The following MAST4 variants were observed in gnomAD, a reference collection of about 807,000 sequenced individuals.
MAST4 encodes microtubule-associated serine/threonine-protein kinase 4.
In MAST4, 89 loss-of-function variants were observed where a neutral mutation model predicts 162.7. The observed-to-expected ratio is 0.55, with a 90% confidence interval of 0.46 to 0.65. MAST4 has a LOEUF of 0.65. Ranked by LOEUF, MAST4 falls within the 30% of genes least tolerant of loss-of-function variation. The pLI is 0.00. For missense variants in MAST4, 3,153 were observed against 3,374.0 expected, an observed-to-expected ratio of 0.93 and a Z score of 1.62; for synonymous variants, 1,479 against 1,361.1, an observed-to-expected ratio of 1.09 and a Z score of -1.91.
chr5:66,765,847 C>T (rs532487442), intron 2 of MAST4, among the ~76,000 whole-genome samples: 2 of 151,950 alleles, frequency 1.3e-5, no homozygotes, highest in African/African-American at 2.4e-5. Flanking sequence ...GAGAAAATAA[C>T]CAGTGCCCTT....
At chr5:66,879,577 T>C (rs984509528) in intron 3 of MAST4, among the ~76,000 whole-genome samples, 2 of 152,194 alleles carry the variant, frequency 1.3e-5, no homozygotes, top group African/African-American at 4.8e-5. Context: ...GTGCCATCAC[T>C]CACGGCTCAC....
At chr5:66,662,210 A>C (rs950138952) in intron 1 of MAST4, 1 of 151,964 alleles carries the variant, frequency 6.6e-6, no homozygotes, top group South Asian at 2.1e-4. Context: ...TTATCTGATA[A>C]TTGGGGCTAT....
At chr5:67,146,689 A>C (rs754633047) in intron 23 of MAST4, among the ~76,000 whole-genome samples, 1 of 152,128 alleles carries the variant, frequency 6.6e-6, no homozygotes, top group Non-Finnish European at 1.5e-5. Flanking sequence ...ACATGTGCTT[A>C]TAGTTTATTG....
intron 1 of MAST4, among the ~76,000 whole-genome samples, chr5:66,603,370 A>G (rs1742673431): frequency 1.3e-5 from 2 of 152,116 alleles, no homozygotes; most frequent in Admixed American, 6.5e-5. Flanking sequence ...GTAAATTACT[A>G]GCTGCACCCA....
rs149322061 is a variant in MAST4, at chr5:66,756,814, A to C, written c.364-2895A>C. Among the ~76,000 whole-genome samples the C allele has an allele frequency of 2.1e-4, 32 of 152,314 alleles. No homozygotes were observed. The East Asian group carries it at 6.2e-3, about 29-fold the overall frequency. ...GTTGGGAGTGTGATCGGATGTGAAG[A>C]GGAAATGGGATCTTGGAGCACTGCA... On this transcript the variant is annotated intron_variant, in intron 1 of 28. Transcript: ENST00000403625.
chr5:66,995,561 C>A (rs1411575935), intron 4 of MAST4, among the ~76,000 whole-genome samples: 1 of 152,180 alleles, frequency 6.6e-6, no homozygotes, highest in East Asian at 1.9e-4. Context: ...CGCCACCATA[C>A]CCAGCTAATT....
At chr5:66,641,354 C>G (rs1035718886) in intron 1 of MAST4, among the ~76,000 whole-genome samples, 4 of 152,048 alleles carry the variant, frequency 2.6e-5, no homozygotes, top group African/African-American at 7.2e-5. Context: ...GACAGAATTT[C>G]GCTATGTTGG....
At chr5:67,151,409 T>C (rs1771789779) in intron 24 of MAST4, among the ~76,000 whole-genome samples, 1 of 152,210 alleles carries the variant, frequency 6.6e-6, no homozygotes, top group Non-Finnish European at 1.5e-5. Context: ...AATTCATTTA[T>C]GAGGGGCAGA....
At chr5:67,153,693 T>A in intron 26 of MAST4, 113 bp downstream of exon 26, 1 of 998,276 alleles carries the variant, frequency 1.0e-6, no homozygotes, top group Non-Finnish European at 1.4e-6. Flanking sequence ...TGAGAAAGTA[T>A]TCATTAGTCT....
chr5:67,109,870 AG>A (rs1408007347), intron 10 of MAST4, among the ~76,000 whole-genome samples: 4 of 152,230 alleles, frequency 2.6e-5, no homozygotes, highest in Admixed American at 2.6e-4. Flanking sequence ...ATAATATATC[AG>A]AATTTTGCAA....
chr5:67,043,420 C>T (rs187421471), intron 4 of MAST4, among the ~76,000 whole-genome samples: 1,967 of 152,164 alleles, frequency 0.013, 20 homozygotes, highest in Middle Eastern at 0.02. Flanking sequence ...ACATGAGGTA[C>T]AGGAGAAAAA....
chr5:67,166,636 A>G lies in MAST4; in HGVS notation c.7457A>G (p.Lys2486Arg). The G allele has an allele frequency of 6.2e-7, 1 of 1,601,232 alleles. No individual in the cohort carries two copies. The highest frequency in any genetic ancestry group is 8.5e-7 in the Non-Finnish European group (1 of 1,174,166). Reference sequence around the variant, plus strand: ...GCCAGCAGCGACACCTCTTCTGCCAAGGCCGCCGGGGGCATGCTGGAGCTT... The same window carrying G: ...GCCAGCAGCGACACCTCTTCTGCCAGGGCCGCCGGGGGCATGCTGGAGCTT... ...SAASSDTSSA[K>R]AAGGMLELPA... Residue 2486 changes from lysine to arginine, a missense_variant, in exon 29 of 29, where the codon AAG (lysine) becomes AGG (arginine). Lys to Arg is a conservative substitution (Grantham distance 26). Transcript: ENST00000403625.
chr5:66,965,400 T>C (rs1471387932), intron 4 of MAST4, among the ~76,000 whole-genome samples: 1 of 151,640 alleles, frequency 6.6e-6, no homozygotes. Context: ...CTAAAGGCAA[T>C]AGGCTATTCA....
intron 3 of MAST4, among the ~76,000 whole-genome samples, chr5:66,806,653 GA>G (rs1264665868): frequency 6.6e-6 from 1 of 152,190 alleles, no homozygotes; most frequent in Non-Finnish European, 1.5e-5. Context: ...ATCATAAGTT[GA>G]AAAATTCCTA....
Position 67,136,457 on chromosome 5 carries a change from G to A in MAST4, c.2393-106G>A, listed in dbSNP as rs1004514335. The A allele has an allele frequency of 1.8e-5, 14 of 758,650 alleles. No individual in the cohort carries two copies. In the African/African-American group the frequency reaches 2.1e-4, roughly 11 times the overall value. The allele number at this position is 758,650 out of a possible 1,614,324, so 47.0% of individuals were successfully genotyped here. A position where few individuals can be genotyped will look rare whatever the true frequency, so the allele number is the denominator to read the frequency against. On this transcript the variant is annotated intron_variant, in intron 18 of 28. Transcript: ENST00000403625. The stretch of plus-strand genomic sequence containing the variant: ...CTCTGATTTAGTAGGTCCGGAGTGG[G>A]CCTGAAATTCTGCCTTTCTGACAAA...
chr5:67,004,227 C>T (rs28742966), intron 4 of MAST4, among the ~76,000 whole-genome samples: 2 of 151,926 alleles, frequency 1.3e-5, no homozygotes, highest in African/African-American at 4.8e-5. Flanking sequence ...CTCCCTTTCC[C>T]GTGAGCCCCC....
intron 3 of MAST4, among the ~76,000 whole-genome samples, chr5:66,844,139 C>CTG (rs59568297): frequency 0.039 from 4,088 of 104,404 alleles, 133 homozygotes; most frequent in Admixed American, 0.049. Flanking sequence ...CCCAGTCAGC[C>CTG]TGTGTGTGTG....
chr5:66,898,104 C>T (rs565071396), intron 3 of MAST4, among the ~76,000 whole-genome samples: 85 of 152,168 alleles, frequency 5.6e-4, no homozygotes, highest in African/African-American at 2.0e-3. Context: ...CAGTATTATT[C>T]ATTTGGTCTC....
chr5:66,970,766 C>A (rs373483123), intron 4 of MAST4, among the ~76,000 whole-genome samples: 1 of 152,206 alleles, frequency 6.6e-6, no homozygotes, highest in African/African-American at 2.4e-5. Context: ...TAGTGCTGCA[C>A]GTATGTTAAC....
Sources: allele counts gnomAD v4.1 joint callset (sites outside exome capture counted in the v4.1 genomes callset), GRCh38; gene constraint gnomAD v4.1.1; transcripts MANE v1.5; gene names NCBI Gene and HGNC (gene_info 2026-07-23, HGNC 2026-07-21).